CHMP5: variants seen among roughly 807,000 people sequenced by gnomAD.
CHMP5 encodes the protein charged multivesicular body protein 5.
A neutral mutation model predicts 33.0 loss-of-function variants in CHMP5; 17 were observed. The ratio of observed to expected loss-of-function variants is 0.52; its 90% CI spans 0.35 to 0.77. The LOEUF (loss-of-function observed/expected upper bound fraction) is 0.77, where lower values mean the gene tolerates loss of function less well. Ranked by LOEUF, CHMP5 falls within the 30% of genes least tolerant of loss-of-function variation. CHMP5 has a pLI of 0.01. For missense variants in CHMP5, 216 were observed against 261.5 expected (o/e 0.83, Z 1.20); for synonymous variants, 76 against 90.2 (o/e 0.84, Z 0.89).
At chr9:33,267,752 GA>G in intron 2 of CHMP5, 100 bp from the exon 3 acceptor site, 1 of 747,020 alleles carries the variant, frequency 1.3e-6, no homozygotes, top group Non-Finnish European at 2.4e-6. Flanking sequence ...CTACTTTGAA[GA>G]AGAGAGGAAG....
At chr9:33,274,035 C>A (rs1472803624) in intron 5 of CHMP5, among the ~76,000 whole-genome samples, 1 of 151,972 alleles carries the variant, frequency 6.6e-6, no homozygotes. Flanking sequence ...AAAATTTCCC[C>A]TCCATTTTAC....
At chr9:33,280,390 T>C (rs1280662883) in intron 7 of CHMP5, among the ~76,000 whole-genome samples, 2 of 152,216 alleles carry the variant, frequency 1.3e-5, no homozygotes, top group African/African-American at 4.8e-5. Context: ...AAGCATGATA[T>C]GGAAGTGACT....
chr9:33,273,056 G>A (rs894081920), intron 5 of CHMP5, among the ~76,000 whole-genome samples: 16 of 151,026 alleles, frequency 1.1e-4, no homozygotes, highest in Admixed American at 9.2e-4. Flanking sequence ...TGCAACCTCC[G>A]CCTCCTGGGT....
intron 3 of CHMP5, 27 bp downstream of exon 3, chr9:33,267,926 C>G (rs1180744108): frequency 1.3e-6 from 2 of 1,547,976 alleles, no homozygotes; most frequent in Admixed American, 1.7e-5. Flanking sequence ...ATTTCTACCT[C>G]TAGCAGGTTT....
At chr9:33,267,738 C>T in intron 2 of CHMP5, 115 bp from the exon 3 acceptor site, 3 of 693,750 alleles carry the variant, frequency 4.3e-6, no homozygotes, top group Non-Finnish European at 7.8e-6. Context: ...AGCCATTATG[C>T]CTACTACTTT....
intron 5 of CHMP5, among the ~76,000 whole-genome samples, chr9:33,274,566 T>C (rs576936186): frequency 3.3e-5 from 5 of 152,328 alleles, no homozygotes; most frequent in African/African-American, 9.6e-5. Flanking sequence ...GTTTTACATA[T>C]ATTATTGCAA....
intron 5 of CHMP5, among the ~76,000 whole-genome samples, chr9:33,274,861 C>T (rs1181775087): frequency 1.3e-5 from 2 of 152,146 alleles, no homozygotes; most frequent in African/African-American, 2.4e-5. Flanking sequence ...GGCAATCCAC[C>T]CACTTTGGCC....
chr9:33,280,881 C>T lies in CHMP5; in HGVS notation c.*22C>T, dbSNP rs1434612329. 2 of 1,592,978 alleles carry T rather than the reference C, an allele frequency of 1.3e-6. No individual in the cohort carries two copies. The highest frequency in any genetic ancestry group is 8.6e-7 in the Non-Finnish European group (1 of 1,168,572). On this transcript the variant is annotated 3_prime_UTR_variant, in exon 8 of 8. Coordinates refer to ENST00000223500, the MANE Select transcript of CHMP5 (RefSeq NM_016410.6). The stretch of plus-strand genomic sequence containing the variant: ...ATAGATTTGCATCATTCAAGCATAT[C>T]TTGTAAAACAAACACATATTATGGG...
chr9:33,269,506 CAAAT>C (rs1820767994), intron 3 of CHMP5, among the ~76,000 whole-genome samples: 1 of 151,436 alleles, frequency 6.6e-6, no homozygotes, highest in Admixed American at 6.6e-5. Flanking sequence ...TGGCTCTAAA[CAAAT>C]AAATAAGTAA....
At chr9:33,279,962 G>A (rs1820902546) in intron 7 of CHMP5, among the ~76,000 whole-genome samples, 1 of 151,472 alleles carries the variant, frequency 6.6e-6, no homozygotes, top group Admixed American at 6.6e-5. Flanking sequence ...GTGGATATAT[G>A]GGGGTTTTGT....
rs1820790855 is a variant in CHMP5 at position 33,271,227 on chromosome 9, A to G, written c.387+4A>G. On this transcript the variant is annotated splice_donor_region_variant and intron_variant, in intron 5 of 7. Coordinates refer to ENST00000223500, the MANE Select transcript of CHMP5 (RefSeq NM_016410.6). ...AGTGAAGATCGACCAGATTGAGGTG[A>G]GACATATGCTAGTTTCTGCAAGAAT... 6.2e-7 allele frequency: 1 copy of G among 1,610,548 alleles called. No homozygotes were observed.
At position 33,270,666 on chromosome 9, in the gene CHMP5, A is replaced by G; in HGVS notation, c.265A>G (p.Met89Val). ...RDNLAQQSFN[M>V]EQANYTIQSL... ...CAATCTTGCCCAACAGTCATTCAAC[A>G]TGGAACAAGCCAATTATACCATCCA... is the stretch of plus-strand genomic sequence containing the variant. The change falls in exon 4 of 8, where the codon ATG becomes GTG. Residue 89 changes from methionine (M) to valine (V), a missense_variant. Coordinates refer to ENST00000223500, the MANE Select transcript of CHMP5 (RefSeq NM_016410.6). 1 of 1,614,210 alleles carries G rather than the reference A, an allele frequency of 6.2e-7. No homozygotes were observed. The highest frequency in any genetic ancestry group is 2.2e-5 in the East Asian group (1 of 44,882).
intron 5 of CHMP5, among the ~76,000 whole-genome samples, chr9:33,272,812 AAG>A (rs902448529): frequency 1.3e-5 from 2 of 151,968 alleles, no homozygotes; most frequent in African/African-American, 4.8e-5. Context: ...AAAAAAATAA[AAG>A]AGTGAAGGCA....
chr9:33,276,863 C>G (rs547183653), intron 6 of CHMP5, among the ~76,000 whole-genome samples: 13 of 152,258 alleles, frequency 8.5e-5, no homozygotes, highest in African/African-American at 2.9e-4. Flanking sequence ...TTTGTTCTCA[C>G]TATTTTCCTA....
At chr9:33,273,423 C>T (rs7049190) in intron 5 of CHMP5, among the ~76,000 whole-genome samples, 3,283 of 152,252 alleles carry the variant, frequency 0.022, 139 homozygotes, top group African/African-American at 0.075. Context: ...TATGTCTCTT[C>T]GTCTTTCACC....
chr9:33,270,195 G>A (rs1820777064), intron 3 of CHMP5, among the ~76,000 whole-genome samples: 2 of 152,144 alleles, frequency 1.3e-5, no homozygotes, highest in Non-Finnish European at 2.9e-5. Flanking sequence ...ATACCATTGT[G>A]TTACAATTGG....
At chr9:33,274,602 G>A (rs866342930) in intron 5 of CHMP5, among the ~76,000 whole-genome samples, 4 of 152,066 alleles carry the variant, frequency 2.6e-5, no homozygotes, top group Non-Finnish European at 4.4e-5. Context: ...ACCCCAGTGA[G>A]ATATGGCTAT....
At chr9:33,265,817 G>A (rs1331442524) in intron 1 of CHMP5, among the ~76,000 whole-genome samples, 193 bp from the exon 2 acceptor site, 6 of 152,208 alleles carry the variant, frequency 3.9e-5, no homozygotes, top group Admixed American at 3.9e-4. Flanking sequence ...TCGGGGCAGT[G>A]TGGCGGGGGG....
At chr9:33,273,449 G>A (rs1820818545) in intron 5 of CHMP5, among the ~76,000 whole-genome samples, 1 of 152,162 alleles carries the variant, frequency 6.6e-6, no homozygotes, top group Non-Finnish European at 1.5e-5. Context: ...TTGTCTGTCT[G>A]TCTCCCTGCC....
Sources: gnomAD v4.1 joint callset for allele counts (sites outside exome capture counted in the v4.1 genomes callset) on GRCh38, gnomAD v4.1.1 for gene constraint, MANE v1.5 for transcripts, NCBI Gene and HGNC (gene_info 2026-07-23, HGNC 2026-07-21) for gene names.